Variants in ROR1 observed in about 807,000 individuals in gnomAD.
ROR1 encodes inactive tyrosine-protein kinase transmembrane receptor ROR1.
ROR1 carries 19 observed loss-of-function variants against 78.8 expected under a neutral mutation model. That is an observed-to-expected ratio of 0.24 (90% CI 0.17 to 0.35). The LOEUF is 0.35. ROR1 is among the 10% of genes least tolerant of loss of function. The pLI, the probability that ROR1 is intolerant of heterozygous loss-of-function variation, is 1.00. For synonymous variants in ROR1, 386 were observed against 433.6 expected, an observed-to-expected ratio of 0.89 and a Z score of 1.36; for missense variants, 917 against 1,177.8, an observed-to-expected ratio of 0.78 and a Z score of 3.24.
intron 4 of ROR1, among the ~76,000 whole-genome samples, chr1:64,090,298 A>T (rs1383577440): frequency 2.0e-5 from 3 of 152,226 alleles, no homozygotes; most frequent in Non-Finnish European, 4.4e-5. Flanking sequence ...CTTGGGAAAA[A>T]AACATAATTG....
chr1:63,867,329 C>G (rs1039641582), intron 1 of ROR1, among the ~76,000 whole-genome samples: 4 of 152,176 alleles, frequency 2.6e-5, no homozygotes, highest in Admixed American at 2.6e-4. Context: ...TGGCCTTCCT[C>G]CTATGTCTTT....
chr1:64,036,119 T>C (rs907006404), intron 2 of ROR1, among the ~76,000 whole-genome samples: 3 of 152,112 alleles, frequency 2.0e-5, no homozygotes, highest in Non-Finnish European at 2.9e-5. Context: ...TAGACAGATA[T>C]GGAAACTGAA....
chr1:64,016,735 A>T (rs749629635), intron 2 of ROR1, among the ~76,000 whole-genome samples: 33 of 143,468 alleles, frequency 2.3e-4, no homozygotes, highest in Middle Eastern at 7.3e-3. Flanking sequence ...AAATATAATT[A>T]TATATATATA....
At chr1:63,857,417 A>G (rs180872204) in intron 1 of ROR1, among the ~76,000 whole-genome samples, 1 of 152,296 alleles carries the variant, frequency 6.6e-6, no homozygotes, top group African/African-American at 2.4e-5. Context: ...ACTTTTAGGT[A>G]TCTGTTTTAT....
intron 1 of ROR1, among the ~76,000 whole-genome samples, chr1:63,949,328 A>T (rs1040745070): frequency 6.6e-6 from 1 of 152,046 alleles, no homozygotes; most frequent in Non-Finnish European, 1.5e-5. Context: ...TCCATTCCCC[A>T]CCCCCCAGAG....
At chr1:63,798,583 TATAGACAAGA>T (rs1644776827) in intron 1 of ROR1, among the ~76,000 whole-genome samples, 1 of 152,180 alleles carries the variant, frequency 6.6e-6, no homozygotes, top group African/African-American at 2.4e-5. Flanking sequence ...GCCTTGTAAG[TATAGACAAGA>T]CACTAACTGC....
intron 1 of ROR1, among the ~76,000 whole-genome samples, chr1:63,819,225 G>C (rs1644910466): frequency 6.6e-6 from 1 of 152,102 alleles, no homozygotes; most frequent in African/African-American, 2.4e-5. Context: ...CTTACCTTTG[G>C]TTTATCAGTT....
At chr1:63,954,958 T>G (rs1347057804) in intron 1 of ROR1, among the ~76,000 whole-genome samples, 2 of 152,086 alleles carry the variant, frequency 1.3e-5, no homozygotes, top group Non-Finnish European at 2.9e-5. Flanking sequence ...GATAGACAAG[T>G]AGGCAAAATG....
chr1:63,988,644 C>A (rs1646270026), intron 1 of ROR1, among the ~76,000 whole-genome samples: 1 of 152,190 alleles, frequency 6.6e-6, no homozygotes, highest in African/African-American at 2.4e-5. Flanking sequence ...CGATTCCACC[C>A]CACCCTGCCT....
chr1:64,015,218 G>A (rs1482923199), intron 2 of ROR1, among the ~76,000 whole-genome samples: 1 of 152,076 alleles, frequency 6.6e-6, no homozygotes, highest in African/African-American at 2.4e-5. Flanking sequence ...CTCCCACCAG[G>A]TTCCTCCCAC....
intron 1 of ROR1, among the ~76,000 whole-genome samples, chr1:63,931,665 G>C (rs1557568649): frequency 1.3e-5 from 2 of 152,280 alleles, no homozygotes; most frequent in Middle Eastern, 6.8e-3. Context: ...TATCTAAGCT[G>C]TCTACAATTT....
At chr1:63,962,697 G>A (rs1334254602) in intron 1 of ROR1, among the ~76,000 whole-genome samples, 1 of 152,210 alleles carries the variant, frequency 6.6e-6, no homozygotes, top group Non-Finnish European at 1.5e-5. Context: ...TCACGATGGA[G>A]GCTGAGCTAC....
At chr1:64,009,272 T>C (rs749136519) in intron 1 of ROR1, 33 bp from the exon 2 acceptor site, 6 of 1,505,958 alleles carry the variant, frequency 4.0e-6, no homozygotes, top group East Asian at 2.3e-5. Flanking sequence ...ATATTGCCCT[T>C]GTCTTTCTCC....
chr1:63,844,267 C>T (rs191538473), intron 1 of ROR1, among the ~76,000 whole-genome samples: 1 of 152,200 alleles, frequency 6.6e-6, no homozygotes, highest in African/African-American at 2.4e-5. Context: ...TCTGCTGACT[C>T]TGTGTCCCTT....
intron 1 of ROR1, among the ~76,000 whole-genome samples, chr1:63,807,431 CAT>C (rs1401900146): frequency 1.3e-5 from 2 of 152,178 alleles, no homozygotes; most frequent in African/African-American, 4.8e-5. Context: ...AGGACTCTCA[CAT>C]GTGCTGAGTT....
At chr1:63,944,888 G>A (rs1470592832) in intron 1 of ROR1, among the ~76,000 whole-genome samples, 1 of 152,054 alleles carries the variant, frequency 6.6e-6, no homozygotes, top group Non-Finnish European at 1.5e-5. Flanking sequence ...TCCCACAGGG[G>A]TGTTATAAGG....
intron 4 of ROR1, among the ~76,000 whole-genome samples, chr1:64,114,901 C>T (rs901298772): frequency 6.6e-6 from 1 of 152,098 alleles, no homozygotes; most frequent in Non-Finnish European, 1.5e-5. Flanking sequence ...GACTTGTTTG[C>T]CTTTTATATT....
chr1:63,853,048 T>G (rs865788182), intron 1 of ROR1, among the ~76,000 whole-genome samples: 4 of 152,298 alleles, frequency 2.6e-5, no homozygotes, highest in Non-Finnish European at 5.9e-5. Flanking sequence ...GTTGTATCAT[T>G]ATCAGTACCT....
chr1:63,923,068 C>T (rs1349207647), intron 1 of ROR1, among the ~76,000 whole-genome samples: 18 of 152,180 alleles, frequency 1.2e-4, no homozygotes, highest in Non-Finnish European at 4.4e-5. Context: ...CATCATGTCA[C>T]GGGGCATGTG....
Sources: gnomAD v4.1 joint callset for allele counts (sites outside exome capture counted in the v4.1 genomes callset) on GRCh38, gnomAD v4.1.1 for gene constraint, MANE v1.5 for transcripts, NCBI Gene and HGNC (gene_info 2026-07-23, HGNC 2026-07-21) for gene names.